FAT3: variants seen among roughly 807,000 people sequenced by gnomAD.
FAT3 encodes FAT atypical cadherin 3, also known as protocadherin Fat 3.
Under a neutral mutation model 310.2 loss-of-function variants are expected in FAT3, and 95 were observed. The ratio of observed to expected loss-of-function variants is 0.31; its 90% CI spans 0.26 to 0.36. The LOEUF (loss-of-function observed/expected upper bound fraction) is 0.36. Ranked by LOEUF, FAT3 falls within the 10% of genes least tolerant of loss-of-function variation. FAT3 has a pLI of 1.00. For synonymous variants in FAT3, 2,314 were observed against 2,192.9 expected (o/e 1.06, Z -1.54); for missense variants, 5,408 against 5,715.6 (o/e 0.95, Z 1.74).
chr11:92,493,187 C>T (rs1026079395), intron 2 of FAT3, among the ~76,000 whole-genome samples: 1 of 151,998 alleles, frequency 6.6e-6, no homozygotes, highest in Non-Finnish European at 1.5e-5. Context: ...AATATTTTTT[C>T]CCCAATCCTA....
chr11:92,602,138 A>C (rs1202698764), intron 3 of FAT3, among the ~76,000 whole-genome samples: 1 of 151,960 alleles, frequency 6.6e-6, no homozygotes, highest in African/African-American at 2.4e-5. Flanking sequence ...CAATGGCGCA[A>C]TCTCGGCTCA....
chr11:92,502,195 C>A (rs1218463115), intron 2 of FAT3, among the ~76,000 whole-genome samples: 2 of 152,120 alleles, frequency 1.3e-5, no homozygotes, highest in Middle Eastern at 3.4e-3. Flanking sequence ...CCATAGAAAT[C>A]AGTGTGGAGA....
At chr11:92,738,494 G>A (rs144502081) in intron 4 of FAT3, among the ~76,000 whole-genome samples, 4 of 152,244 alleles carry the variant, frequency 2.6e-5, no homozygotes, top group East Asian at 1.9e-4. Context: ...CTCCTGTGGC[G>A]CAAGGACCAT....
intron 3 of FAT3, among the ~76,000 whole-genome samples, chr11:92,537,387 G>A (rs1193993708): frequency 6.6e-6 from 1 of 152,080 alleles, no homozygotes; most frequent in African/African-American, 2.4e-5. Context: ...GGAGCAGCAG[G>A]TTTGAAACCT....
intron 3 of FAT3, among the ~76,000 whole-genome samples, chr11:92,596,518 G>A (rs1939715306): frequency 6.6e-6 from 1 of 152,154 alleles, no homozygotes; most frequent in Non-Finnish European, 1.5e-5. Context: ...TGATGACAGA[G>A]AGAACTATCT....
intron 3 of FAT3, among the ~76,000 whole-genome samples, chr11:92,563,665 C>T (rs559039857): frequency 7.8e-4 from 119 of 152,192 alleles, no homozygotes; most frequent in Non-Finnish European, 2.4e-4. Flanking sequence ...CAAAGGGAAG[C>T]CCATCAGACT....
At chr11:92,876,701 GAA>G (rs1338384584) in intron 22 of FAT3, among the ~76,000 whole-genome samples, 1 of 152,200 alleles carries the variant, frequency 6.6e-6, no homozygotes, top group African/African-American at 2.4e-5. Flanking sequence ...TCTGTCTCTT[GAA>G]GATAAGATTT....
At chr11:92,754,627 C>CAAAAAAAAAAAAAAAAAAAAAAAAAA (rs71064722) in intron 4 of FAT3, among the ~76,000 whole-genome samples, 11 of 32,712 alleles carry the variant, frequency 3.4e-4, no homozygotes, top group East Asian at 9.8e-4. Context: ...GACTCTGCCT[C>CAAAAAAAAAAAAAAAAAAAAAAAAAA]AAAAAAAAAA....
At chr11:92,441,948 A>C (rs2135077437) in intron 2 of FAT3, among the ~76,000 whole-genome samples, 1 of 151,694 alleles carries the variant, frequency 6.6e-6, no homozygotes, top group Non-Finnish European at 1.5e-5. Flanking sequence ...TTCAGCAGAC[A>C]CGTTCACGAC....
chr11:92,638,012 C>A (rs1033573545), intron 3 of FAT3, among the ~76,000 whole-genome samples: 4 of 152,134 alleles, frequency 2.6e-5, no homozygotes, highest in Non-Finnish European at 4.4e-5. Flanking sequence ...TTTGGGAGGT[C>A]CATGTACTTC....
chr11:92,525,870 T>C (rs1341754404), intron 3 of FAT3, among the ~76,000 whole-genome samples: 1 of 152,198 alleles, frequency 6.6e-6, no homozygotes, highest in African/African-American at 2.4e-5. Context: ...CCTGCCTATG[T>C]TTGTTAAACA....
intron 2 of FAT3, among the ~76,000 whole-genome samples, chr11:92,416,616 T>C (rs778160322): frequency 6.6e-6 from 1 of 152,242 alleles, no homozygotes; most frequent in Non-Finnish European, 1.5e-5. Flanking sequence ...TTCCAAACTC[T>C]GTCAGTGCTT....
At chr11:92,727,041 A>G (rs1417542824) in intron 4 of FAT3, among the ~76,000 whole-genome samples, 1 of 152,112 alleles carries the variant, frequency 6.6e-6, no homozygotes, top group African/African-American at 2.4e-5. Flanking sequence ...AAGCTTCCCT[A>G]AAATATTCAA....
At chr11:92,817,555 G>GT (rs1376729490) in intron 13 of FAT3, among the ~76,000 whole-genome samples, 1 of 152,154 alleles carries the variant, frequency 6.6e-6, no homozygotes, top group Non-Finnish European at 1.5e-5. Flanking sequence ...TTGGGAATTT[G>GT]TTTAGTGAGT....
Position 92,272,307 on chromosome 11 carries a change from C to G in FAT3, c.-18+47133C>G, listed in dbSNP as rs148134466. ...AATCAAGCACATAAGGCCGAGTGGG[C>G]TATGCCAATTTCTGGTTAAGGATTC... On this transcript the variant is annotated intron_variant, in intron 1 of 27. Transcript: ENST00000525166. 2.0e-3 allele frequency among the ~76,000 whole-genome samples: 309 copies of G among 152,156 alleles called. 1 individual carries two copies. The highest frequency in any genetic ancestry group is 2.9e-3 in the Non-Finnish European group (200 of 67,978).
At chr11:92,838,333 C>T (rs1948456846) in intron 17 of FAT3, among the ~76,000 whole-genome samples, 1 of 152,182 alleles carries the variant, frequency 6.6e-6, no homozygotes. Flanking sequence ...TAAAATTAAT[C>T]TTCCATAAGC....
At chr11:92,614,591 T>C (rs577109300) in intron 3 of FAT3, among the ~76,000 whole-genome samples, 1 of 152,346 alleles carries the variant, frequency 6.6e-6, no homozygotes, top group Non-Finnish European at 1.5e-5. Flanking sequence ...TAGCCGCTCA[T>C]TTGGTATTCT....
chr11:92,251,584 A>C (rs921740775), intron 1 of FAT3, among the ~76,000 whole-genome samples: 6 of 152,162 alleles, frequency 3.9e-5, no homozygotes, highest in African/African-American at 1.4e-4. Flanking sequence ...TATGCTTATA[A>C]ACTTCAAATT....
chr11:92,389,824 G>T (rs747721564), intron 2 of FAT3, among the ~76,000 whole-genome samples: 9 of 152,226 alleles, frequency 5.9e-5, no homozygotes, highest in Middle Eastern at 6.8e-3. Context: ...AAATACTATG[G>T]AATTAGAGCA....
Sources: gnomAD v4.1 joint callset for allele counts (sites outside exome capture counted in the v4.1 genomes callset) on GRCh38, gnomAD v4.1.1 for gene constraint, MANE v1.5 for transcripts, NCBI Gene and HGNC (gene_info 2026-07-23, HGNC 2026-07-21) for gene names.